Variants in PRRC1 observed in about 807,000 individuals in gnomAD.
PRRC1 encodes proline rich coiled-coil 1, also known as protein PRRC1.
A neutral mutation model predicts 40.7 loss-of-function variants in PRRC1; 39 were observed. The ratio of observed to expected loss-of-function variants is 0.96; its 90% CI spans 0.74 to 1.25. PRRC1 has a LOEUF of 1.25. Among genes scored for constraint, PRRC1 ranks in the 50% most tolerant of loss-of-function variants. The pLI is 0.00. For missense variants in PRRC1, 573 were observed against 548.3 expected (o/e 1.05, Z -0.45); for synonymous variants, 175 against 193.3 (o/e 0.91, Z 0.79).
chr5:127,526,632 C>G lies in PRRC1; in HGVS notation c.508C>G (p.Pro170Ala). The part of the protein sequence containing the change: ...APSGTGLLPT[P>A]ITQQASLTSL... ...CCATTGATTAGGTCTTTTGCCAACT[C>G]CTATTACTCAGCAAGCCAGTTTGAC... is the stretch of plus-strand genomic sequence containing the variant. Residue 170 changes from proline (P) to alanine (A), a missense_variant, in exon 4 of 9, where the codon CCT (proline) becomes GCT (alanine). Coordinates refer to ENST00000296666, the MANE Select transcript of PRRC1 (RefSeq NM_130809.5). 6.2e-7 allele frequency: 1 copy of G among 1,610,086 alleles called. No individual in the cohort carries two copies. The highest frequency in any genetic ancestry group is 1.1e-5 in the South Asian group (1 of 89,984).
chr5:127,518,749 A>G (rs1320996823), intron 1 of PRRC1, among the ~76,000 whole-genome samples: 1 of 145,364 alleles, frequency 6.9e-6, no homozygotes, highest in Non-Finnish European at 1.5e-5. Flanking sequence ...TTTTTTTTTT[A>G]ACAGAAAAAC....
Position 127,533,746 on chromosome 5 carries a change from A to T in PRRC1, c.881A>T (p.Asn294Ile). The T allele has an allele frequency of 6.2e-7, 1 of 1,614,122 alleles. No individual in the cohort carries two copies. Among genetic ancestry groups the T allele is most frequent in the Non-Finnish European group, 8.5e-7 (1 of 1,179,996 alleles). Residue 294 changes from asparagine (N) to isoleucine (I), a missense_variant, in exon 6 of 9, where the codon AAT (asparagine) becomes ATT (isoleucine). Transcript: ENST00000296666. Reference protein sequence around the residue: ...AVVVGEAGQSNIAPQPVGYAA... With the variant: ...AVVVGEAGQSIIAPQPVGYAA... ...GTTGTAGGGGAAGCTGGACAGTCCAATATTGCCCCACAACCAGTGGGCTAT... is the reference window on the plus strand; with the variant it reads ...GTTGTAGGGGAAGCTGGACAGTCCATTATTGCCCCACAACCAGTGGGCTAT...
rs760191699 is a variant in PRRC1, at chr5:127,554,964, T to C, written c.*3048T>C. The C allele has an allele frequency of 5.9e-5, 9 of 152,764 alleles. No individual in the cohort carries two copies. Among genetic ancestry groups the C allele is most frequent in the Admixed American group, 2.0e-4 (3 of 15,296 alleles). The allele number at this position is 152,764 out of a possible 1,614,324, so 9.5% of individuals were successfully genotyped here. A position where few individuals can be genotyped will look rare whatever the true frequency, so the allele number is the denominator to read the frequency against. On this transcript the variant is annotated 3_prime_UTR_variant, in exon 9 of 9. Transcript: ENST00000296666. ...GCTATACATAAATTATTAAGAAATA[T>C]GGATTTTTATTCCCAGGATATGGTG... is the stretch of plus-strand genomic sequence containing the variant.
rs410877 is a variant in PRRC1 at position 127,553,160 on chromosome 5, A to G, written c.*1244A>G. On this transcript the variant is annotated 3_prime_UTR_variant, in exon 9 of 9. Transcript: ENST00000296666. ...TTCTATACAGTTCTTTAGATGTAAA[A>G]GAATTAGCACAATCTCTGGCAGTTT... 0.3 allele frequency: 294,774 copies of G among 976,998 alleles called. 45,426 individuals are homozygous for G. Among genetic ancestry groups the G allele is most frequent in the East Asian group, 0.55 (4,796 of 8,742 alleles). The allele number at this position is 976,998 out of a possible 1,614,324, so 60.5% of individuals were successfully genotyped here. A position where few individuals can be genotyped will look rare whatever the true frequency, so the allele number is the denominator to read the frequency against.
intron 7 of PRRC1, among the ~76,000 whole-genome samples, chr5:127,545,508 T>C (rs534214103): frequency 6.6e-6 from 1 of 151,668 alleles, no homozygotes; most frequent in Non-Finnish European, 1.5e-5. Context: ...AAATTGGAAA[T>C]CATCATTCTC....
At chr5:127,543,338 A>G (rs899575218) in intron 7 of PRRC1, among the ~76,000 whole-genome samples, 15 of 151,796 alleles carry the variant, frequency 9.9e-5, no homozygotes, top group African/African-American at 3.6e-4. Flanking sequence ...GGTGAATCTG[A>G]TAATTATGTG....
chr5:127,551,879 G>T lies in PRRC1; in HGVS notation c.1301G>T (p.Gly434Val), dbSNP rs1248083446. 4.3e-6 allele frequency: 7 copies of T among 1,614,080 alleles called. No homozygotes were observed. The highest frequency in any genetic ancestry group is 3.3e-5 in the South Asian group (3 of 91,082). The change falls in exon 9 of 9, where the codon GGC becomes GTC. Residue 434 changes from glycine to valine, a missense_variant. By Grantham distance (109) the Gly-to-Val change is moderately radical. Coordinates refer to ENST00000296666, the MANE Select transcript of PRRC1 (RefSeq NM_130809.5). ...MIYSAARAIAGMYKQRLPPRT... is the reference protein window; with the variant it reads ...MIYSAARAIAVMYKQRLPPRT... ...TACAGTGCAGCCAGAGCGATAGCGG[G>T]CATGTATAAACAGCGCCTGCCACCC...
chr5:127,540,988 A>G (rs897566087), intron 7 of PRRC1, among the ~76,000 whole-genome samples: 2 of 152,196 alleles, frequency 1.3e-5, no homozygotes, highest in Non-Finnish European at 1.5e-5. Context: ...TTGCCCATTC[A>G]GTATGATATT....
At chr5:127,537,415 A>G (rs1363382392) in intron 6 of PRRC1, among the ~76,000 whole-genome samples, 1 of 151,918 alleles carries the variant, frequency 6.6e-6, no homozygotes, top group African/African-American at 2.4e-5. Context: ...CATTTAATTA[A>G]TGTAGTGGTC....
intron 4 of PRRC1, among the ~76,000 whole-genome samples, chr5:127,528,623 T>C (rs1445556865): frequency 6.6e-6 from 1 of 151,914 alleles, no homozygotes; most frequent in African/African-American, 2.4e-5. Context: ...GCCTCTCCTT[T>C]TCTTTACATT....
At position 127,524,802 on chromosome 5, in the gene PRRC1, T is replaced by C; in HGVS notation, c.375T>C (p.Pro125=). ...CAAACACTCTTTTACCTGCACCCCC[T>C]TCGGGTCCTCCTATATCAGGATTTT... is the stretch of plus-strand genomic sequence containing the variant. ...SAPNTLLPAP[P]SGPPISGFSV... The change falls in exon 3 of 9, where the codon CCT becomes CCC. Residue 125 remains proline (P), a synonymous_variant. Transcript: ENST00000296666. 1 of 1,614,202 alleles carries C rather than the reference T, an allele frequency of 6.2e-7. No homozygotes were observed.
At chr5:127,520,475 A>G (rs1767429200) in intron 1 of PRRC1, among the ~76,000 whole-genome samples, 1 of 152,260 alleles carries the variant, frequency 6.6e-6, no homozygotes, top group Non-Finnish European at 1.5e-5. Flanking sequence ...AATACTATTC[A>G]GCAATAAAAA....
Position 127,554,117 on chromosome 5 carries a change from T to C in PRRC1, c.*2201T>C. ...GGCAAGAAAAGTAACTCATCATCTC[T>C]AACACACCATGGCAGCTTAGCCAGG... On this transcript the variant is annotated 3_prime_UTR_variant, in exon 9 of 9. Transcript: ENST00000296666. 2.2e-6 allele frequency: 1 copy of C among 449,210 alleles called. No individual in the cohort carries two copies. Among genetic ancestry groups the C allele is most frequent in the Non-Finnish European group, 3.9e-6 (1 of 253,858 alleles). The allele number at this position is 449,210 out of a possible 1,614,324, so 27.8% of individuals were successfully genotyped here. A position where few individuals can be genotyped will look rare whatever the true frequency, so the allele number is the denominator to read the frequency against.
At position 127,530,462 on chromosome 5, in the gene PRRC1, A is replaced by G. The variant is rs1215127835; in HGVS notation, c.757+66A>G. 4 of 947,444 alleles carry G rather than the reference A, an allele frequency of 4.2e-6. No homozygotes were observed. In the East Asian group the frequency reaches 7.7e-5, roughly 18 times the overall value. The allele number at this position is 947,444 out of a possible 1,614,324, so 58.7% of individuals were successfully genotyped here. On this transcript the variant is annotated intron_variant, in intron 5 of 8. Coordinates refer to ENST00000296666, the MANE Select transcript of PRRC1 (RefSeq NM_130809.5). ...TAAGGGTATGTCCACATCAGCCACT[A>G]ATTGTAATTCTCTGTTCGTTTCCAC... is the stretch of plus-strand genomic sequence containing the variant.
Position 127,553,669 on chromosome 5 carries a change from T to C in PRRC1, c.*1753T>C, listed in dbSNP as rs1441109138. 47 of 1,467,030 alleles carry C rather than the reference T, an allele frequency of 3.2e-5. No homozygotes were observed. The highest frequency in any genetic ancestry group is 2.2e-4 in the Middle Eastern group (1 of 4,566). The allele number at this position is 1,467,030 out of a possible 1,614,324, so 90.9% of individuals were successfully genotyped here. ...AGTTCTGCTACTTTCCCTCCTATTA[T>C]AAGGAAATCTTACAGATTCTAAAAA... On this transcript the variant is annotated 3_prime_UTR_variant, in exon 9 of 9. Coordinates refer to ENST00000296666, the MANE Select transcript of PRRC1 (RefSeq NM_130809.5).
chr5:127,529,022 T>A (rs906127814), intron 4 of PRRC1, among the ~76,000 whole-genome samples: 4 of 152,172 alleles, frequency 2.6e-5, no homozygotes, highest in African/African-American at 9.6e-5. Flanking sequence ...CATTCAGTGA[T>A]AAGTAAGATA....
At chr5:127,538,426 CT>C (rs1228362211) in intron 6 of PRRC1, among the ~76,000 whole-genome samples, 1 of 152,050 alleles carries the variant, frequency 6.6e-6, no homozygotes, top group Non-Finnish European at 1.5e-5. Flanking sequence ...AAACAGAAAC[CT>C]TTTCCCTCAG....
intron 4 of PRRC1, among the ~76,000 whole-genome samples, chr5:127,529,861 T>C: frequency 6.6e-6 from 1 of 152,148 alleles, no homozygotes; most frequent in East Asian, 1.9e-4. Context: ...AGAGGTGTTT[T>C]TACTCTTTTT....
chr5:127,518,362 TC>T (rs2127085017), intron 1 of PRRC1, among the ~76,000 whole-genome samples: 1 of 152,374 alleles, frequency 6.6e-6, no homozygotes, highest in Non-Finnish European at 1.5e-5. Context: ...TTGCATTCTC[TC>T]GTTTCTTTGT....
Sources: gnomAD v4.1 joint callset for allele counts (sites outside exome capture counted in the v4.1 genomes callset) on GRCh38, gnomAD v4.1.1 for gene constraint, MANE v1.5 for transcripts, NCBI Gene and HGNC (gene_info 2026-07-23, HGNC 2026-07-21) for gene names.